The following CEACAM1 variants were observed in gnomAD, a reference collection of about 807,000 sequenced individuals.
CEACAM1 encodes the protein cell adhesion molecule CEACAM1.
Under a neutral mutation model 49.1 loss-of-function variants are expected in CEACAM1, and 31 were observed. The observed-to-expected ratio is 0.63, with a 90% CI of 0.47 to 0.85. CEACAM1 has a LOEUF of 0.85. Ranked by LOEUF, CEACAM1 falls within the 40% of genes least tolerant of loss-of-function variation. CEACAM1 has a pLI of 0.00. For synonymous variants in CEACAM1, 244 were observed against 247.8 expected, an observed-to-expected ratio of 0.98 and a Z score of 0.14; for missense variants, 570 against 645.3, an observed-to-expected ratio of 0.88 and a Z score of 1.26.
chr19:42,509,205 G>T lies in CEACAM1; in HGVS notation c.1485C>A (p.Thr495=). 6.2e-7 allele frequency: 1 copy of T among 1,612,520 alleles called. No individual in the cohort carries two copies. The highest frequency in any genetic ancestry group is 1.1e-5 in the South Asian group (1 of 90,840). ...TGGGTTGCTGGGCTTCAAAGTTCAGGGTAGAATAAGTAACTTCATTCATCT... is the reference window on the plus strand; with the variant it reads ...TGGGTTGCTGGGCTTCAAAGTTCAGTGTAGAATAAGTAACTTCATTCATCT... ...PNKMNEVTYS[T]LNFEAQQPTQ... Residue 495 remains threonine, a synonymous_variant, in exon 9 of 9, where the codon ACC becomes ACA. Coordinates refer to ENST00000161559, the MANE Select transcript of CEACAM1 (RefSeq NM_001712.5).
intron 7 of CEACAM1, 56 bp downstream of exon 7, chr19:42,511,520 G>A (rs2041456035): frequency 1.4e-6 from 2 of 1,418,150 alleles, no homozygotes; most frequent in South Asian, 2.3e-5. Flanking sequence ...TCCCTGCCAG[G>A]GGAGGGCACG....
intron 7 of CEACAM1, 149 bp downstream of exon 7, chr19:42,511,427 G>T: frequency 2.9e-6 from 2 of 691,506 alleles, no homozygotes; most frequent in South Asian, 1.7e-5. Context: ...AGGGTGGGAA[G>T]ACCTATGCCA....
chr19:42,524,648 G>A (rs1271815563), intron 2 of CEACAM1, among the ~76,000 whole-genome samples: 1 of 152,162 alleles, frequency 6.6e-6, no homozygotes, highest in Non-Finnish European at 1.5e-5. Context: ...CTTGTTAGAC[G>A]GAGTGTCTGG....
chr19:42,521,032 G>A (rs1600231545), intron 4 of CEACAM1: 4 of 522,576 alleles, frequency 7.7e-6, no homozygotes, highest in East Asian at 3.1e-5. Flanking sequence ...GCTTTCTGGG[G>A]CTGAGAGAAC....
At position 42,521,437 on chromosome 19, in the gene CEACAM1, G is replaced by C. The variant is rs1377537439; in HGVS notation, c.788C>G (p.Ser263Cys). 1 of 1,614,092 alleles carries C rather than the reference G, an allele frequency of 6.2e-7. No homozygotes were observed. The highest frequency in any genetic ancestry group is 8.5e-7 in the Non-Finnish European group (1 of 1,180,040). ...ANLSLSCYAASNPPAQYSWLI... is the reference protein window; with the variant it reads ...ANLSLSCYAACNPPAQYSWLI... ...CCAGGAGTACTGTGCAGGTGGGTTA[G>C]AGGCTGCATAGCAGGAGAGGCTGAG... The change falls in exon 4 of 9, where the codon TCT becomes TGT. Residue 263 changes from serine to cysteine, a missense_variant. Ser to Cys is a moderately radical substitution (Grantham distance 112). Coordinates refer to ENST00000161559, the MANE Select transcript of CEACAM1 (RefSeq NM_001712.5).
At chr19:42,515,596 C>T (rs1371952843) in intron 5 of CEACAM1, among the ~76,000 whole-genome samples, 1 of 152,054 alleles carries the variant, frequency 6.6e-6, no homozygotes, top group East Asian at 1.9e-4. Context: ...ATTGCTTGAA[C>T]CCGGGAAGTT....
chr19:42,510,142 A>G (rs945717357), intron 8 of CEACAM1, among the ~76,000 whole-genome samples: 2 of 152,108 alleles, frequency 1.3e-5, no homozygotes, highest in African/African-American at 2.4e-5. Context: ...CTGGAGCGCA[A>G]TGGCGCAATC....
At position 42,522,010 on chromosome 19, in the gene CEACAM1, G is replaced by A; in HGVS notation, c.617C>T (p.Thr206Ile). ...GNRTLTLLSVTRNDTGPYECE... is the reference protein window; with the variant it reads ...GNRTLTLLSVIRNDTGPYECE... ...CTCATAGGGTCCTGTGTCATTCCTTGTGACACTGAGTAGAGTGAGGGTCCT... is the reference window on the plus strand; with the variant it reads ...CTCATAGGGTCCTGTGTCATTCCTTATGACACTGAGTAGAGTGAGGGTCCT... The change falls in exon 3 of 9, where the codon ACA becomes ATA. Residue 206 changes from threonine to isoleucine, a missense_variant. Thr to Ile is a moderately conservative substitution (Grantham distance 89). Coordinates refer to ENST00000161559, the MANE Select transcript of CEACAM1 (RefSeq NM_001712.5). 6.2e-7 allele frequency: 1 copy of A among 1,614,248 alleles called. No homozygotes were observed. The highest frequency in any genetic ancestry group is 8.5e-7 in the Non-Finnish European group (1 of 1,180,038).
At position 42,521,953 on chromosome 19, in the gene CEACAM1, C is replaced by T. The variant is rs139266169; in HGVS notation, c.674G>A (p.Arg225His). 41 of 1,614,228 alleles carry T rather than the reference C, an allele frequency of 2.5e-5. No homozygotes were observed. Among genetic ancestry groups the T allele is most frequent in the African/African-American group, 1.2e-4 (9 of 75,062 alleles). Residue 225 changes from arginine (R) to histidine (H), a missense_variant, in exon 3 of 9, where the codon CGC (arginine) becomes CAC (histidine). Transcript: ENST00000161559. Reference protein sequence around the residue: ...CEIQNPVSANRSDPVTLNVTY... With the variant: ...CEIQNPVSANHSDPVTLNVTY... Reference sequence around the variant, plus strand: ...GACATTCAAGGTGACTGGGTCACTGCGGTTCGCACTCACTGGGTTCTGTAT... The same window carrying T: ...GACATTCAAGGTGACTGGGTCACTGTGGTTCGCACTCACTGGGTTCTGTAT...
chr19:42,525,533 C>T (rs945647912), intron 2 of CEACAM1: 1 of 152,160 alleles, frequency 6.6e-6, no homozygotes, highest in Non-Finnish European at 1.5e-5. Context: ...TGACCCAGGC[C>T]TGAACATTTC....
Position 42,526,376 on chromosome 19 carries a change from A to G in CEACAM1, c.424+665T>C, listed in dbSNP as rs147475382. On this transcript the variant is annotated intron_variant, in intron 2 of 8. Coordinates refer to ENST00000161559, the MANE Select transcript of CEACAM1 (RefSeq NM_001712.5). ...TCCTCCTGGGGATGGTAAACTTCCT[A>G]TGGCATCTCCTAAGCCCCCAGGGCA... is the stretch of plus-strand genomic sequence containing the variant. Among the ~76,000 whole-genome samples the G allele has an allele frequency of 1.1e-4, 16 of 152,180 alleles. No individual in the cohort carries two copies. In the East Asian group the frequency reaches 2.7e-3, roughly 26 times the overall value.
At chr19:42,511,040 C>T (rs1287487830) in intron 7 of CEACAM1, 120 bp from the exon 8 acceptor site, 3 of 906,752 alleles carry the variant, frequency 3.3e-6, no homozygotes. Flanking sequence ...AAGGAATTTA[C>T]TTCCCTCAGA....
rs1214207716 is a variant in CEACAM1 at position 42,510,934 on chromosome 19, A to G, written c.1430-14T>C. The G allele has an allele frequency of 6.2e-7, 1 of 1,613,872 alleles. No individual in the cohort carries two copies. On this transcript the variant is annotated splice_polypyrimidine_tract_variant and intron_variant, in intron 7 of 8. Coordinates refer to ENST00000161559, the MANE Select transcript of CEACAM1 (RefSeq NM_001712.5). ...AGTGGTCCTGAGCTGGAGAAGCAAA[A>G]GAAGAGTTAGCGATCCATGGAAATG...
At position 42,527,096 on chromosome 19, in the gene CEACAM1, T is replaced by G. The variant is rs8111468; in HGVS notation, c.369A>C (p.Gln123His). 0.019 allele frequency: 30,762 copies of G among 1,582,376 alleles called. 3,383 individuals are homozygous for G. In the African/African-American group the frequency reaches 0.34, roughly 17 times the overall value. The change falls in exon 2 of 9, where the codon CAA (glutamine) becomes CAC (histidine). Residue 123 changes from glutamine to histidine, a missense_variant. Transcript: ENST00000161559. ...CATTCACAAGATCTGACTTTATGACTTGTAGGGTGTAGAATCCTGTGTCAT... is the reference window on the plus strand; with the variant it reads ...CATTCACAAGATCTGACTTTATGACGTGTAGGGTGTAGAATCCTGTGTCAT... ...TQNDTGFYTL[Q>H]VIKSDLVNEE...
Position 42,509,074 on chromosome 19 carries a change from A to T in CEACAM1, c.*35T>A. ...TAGTGATGAGGGTGAGAGACTTGAA[A>T]TACATCAGCACTGCAGTGAGCAGGA... is the stretch of plus-strand genomic sequence containing the variant. On this transcript the variant is annotated 3_prime_UTR_variant, in exon 9 of 9. Coordinates refer to ENST00000161559, the MANE Select transcript of CEACAM1 (RefSeq NM_001712.5). 6.2e-6 allele frequency: 10 copies of T among 1,613,326 alleles called. No individual in the cohort carries two copies. Among genetic ancestry groups the T allele is most frequent in the Non-Finnish European group, 8.5e-6 (10 of 1,179,382 alleles).
intron 5 of CEACAM1, among the ~76,000 whole-genome samples, chr19:42,513,893 C>CATATAT (rs144403954): frequency 0.024 from 2,526 of 104,834 alleles, 61 homozygotes; most frequent in Admixed American, 0.045. Flanking sequence ...CTTCTCCCTC[C>CATATAT]ATATATATAT....
chr19:42,517,968 G>A (rs2041639693), intron 5 of CEACAM1, among the ~76,000 whole-genome samples: 2 of 152,004 alleles, frequency 1.3e-5, no homozygotes, highest in South Asian at 2.1e-4. Flanking sequence ...AAAATGTGAT[G>A]TATCTATCTA....
chr19:42,526,117 G>A (rs769710200), intron 2 of CEACAM1, among the ~76,000 whole-genome samples: 8 of 151,912 alleles, frequency 5.3e-5, no homozygotes, highest in African/African-American at 1.5e-4. Flanking sequence ...CACCATGCCC[G>A]GCTAATTTTT....
At chr19:42,526,859 C>T (rs2041904068) in intron 2 of CEACAM1, among the ~76,000 whole-genome samples, 182 bp downstream of exon 2, 1 of 152,174 alleles carries the variant, frequency 6.6e-6, no homozygotes, top group Admixed American at 6.5e-5. Flanking sequence ...AGGATCAGGA[C>T]TCCAGAGTAA....
Sources: allele counts gnomAD v4.1 joint callset (sites outside exome capture counted in the v4.1 genomes callset), GRCh38; gene constraint gnomAD v4.1.1; transcripts MANE v1.5; gene names NCBI Gene and HGNC (gene_info 2026-07-23, HGNC 2026-07-21).